The following SLC9D1 variants were observed in gnomAD, a reference collection of about 807,000 sequenced individuals.
The protein encoded by SLC9D1 is putative LAG1-interacting protein.
the SLC9D1 span, chr13:113,548,252 ACT>A: frequency 1.9e-6 from 3 of 1,601,674 alleles, no homozygotes; most frequent in Non-Finnish European, 2.6e-6. Flanking sequence ...TGTGTGTTTA[ACT>A]CTGTGTGGGT....
chr13:113,502,069 G>T, the SLC9D1 span, among the ~76,000 whole-genome samples: 4 of 152,204 alleles, frequency 2.6e-5, no homozygotes, highest in African/African-American at 9.6e-5. Flanking sequence ...GTTAGTGAAG[G>T]GGCGGTGTTA....
chr13:113,503,333 T>A, the SLC9D1 span, among the ~76,000 whole-genome samples: 3 of 125,790 alleles, frequency 2.4e-5, no homozygotes, highest in Non-Finnish European at 4.7e-5. Flanking sequence ...TTAATCGAAG[T>A]ACACTGTGTG....
At chr13:113,500,633 A>T in the SLC9D1 span, among the ~76,000 whole-genome samples, 13 of 152,186 alleles carry the variant, frequency 8.5e-5, no homozygotes, top group Admixed American at 7.8e-4. Flanking sequence ...GCAGGGAGGT[A>T]CTTGAAGCTG....
the SLC9D1 span, among the ~76,000 whole-genome samples, chr13:113,497,194 A>G: frequency 2.0e-5 from 3 of 150,326 alleles, no homozygotes; most frequent in African/African-American, 7.4e-5. Context: ...GTGTGCTAAC[A>G]CCTGTAGCTG....
chr13:113,505,086 G>T, the SLC9D1 span: 2 of 152,008 alleles, frequency 1.3e-5, no homozygotes, highest in Non-Finnish European at 2.9e-5. Flanking sequence ...ATGTCTGTTG[G>T]CCATTTGTAT....
chr13:113,506,481 G>C, the SLC9D1 span, among the ~76,000 whole-genome samples: 3 of 152,082 alleles, frequency 2.0e-5, no homozygotes, highest in Non-Finnish European at 4.4e-5. Context: ...CCAGTGCCCT[G>C]TCTCACCAGT....
At chr13:113,503,391 G>A in the SLC9D1 span, 2 of 687,870 alleles carry the variant, frequency 2.9e-6, no homozygotes, top group Middle Eastern at 4.1e-4. Flanking sequence ...GTGTATGTGT[G>A]TTTTGGATAC....
the SLC9D1 span, chr13:113,549,459 G>C: frequency 2.5e-6 from 4 of 1,614,102 alleles, no homozygotes; most frequent in Non-Finnish European, 3.4e-6. Context: ...ACCACGCTCA[G>C]CCTCTTGCTC....
At chr13:113,538,824 G>A in the SLC9D1 span, among the ~76,000 whole-genome samples, 1 of 152,268 alleles carries the variant, frequency 6.6e-6, no homozygotes, top group South Asian at 2.1e-4. Context: ...GCAGAGCTGC[G>A]CTGAGGCTCC....
At chr13:113,514,864 G>A in the SLC9D1 span, among the ~76,000 whole-genome samples, 1 of 152,204 alleles carries the variant, frequency 6.6e-6, no homozygotes, top group Non-Finnish European at 1.5e-5. Context: ...TGACAGGCGT[G>A]TGCCACCATG....
chr13:113,534,118 TTA>T, the SLC9D1 span: 1 of 1,613,272 alleles, frequency 6.2e-7, no homozygotes, highest in East Asian at 2.2e-5. Flanking sequence ...GGTTTTTCTT[TTA>T]TGTCTTGTTA....
chr13:113,538,895 C>T, the SLC9D1 span, among the ~76,000 whole-genome samples: 25,070 of 152,146 alleles, frequency 0.16, 2,342 homozygotes, highest in Admixed American at 0.27. Context: ...TCAGATCAGC[C>T]GCCGTGGACA....
At chr13:113,509,400 GTCTA>G in the SLC9D1 span, among the ~76,000 whole-genome samples, 3 of 112,972 alleles carry the variant, frequency 2.7e-5, no homozygotes, top group African/African-American at 8.2e-5. Flanking sequence ...GGAGCTGCCT[GTCTA>G]TGTTGGGACT....
chr13:113,523,158 T>C, the SLC9D1 span, among the ~76,000 whole-genome samples: 3 of 151,940 alleles, frequency 2.0e-5, no homozygotes, highest in Non-Finnish European at 2.9e-5. Flanking sequence ...GTAATAAAAG[T>C]CATACTAGGT....
At chr13:113,533,142 G>A in the SLC9D1 span, among the ~76,000 whole-genome samples, 2 of 116,166 alleles carry the variant, frequency 1.7e-5, no homozygotes, top group Non-Finnish European at 3.4e-5. Flanking sequence ...CCTGCAGCGA[G>A]CTCTGAAGGA....
chr13:113,524,749 C>A, the SLC9D1 span, among the ~76,000 whole-genome samples: 5 of 151,622 alleles, frequency 3.3e-5, no homozygotes, highest in African/African-American at 1.2e-4. Flanking sequence ...CCTTTTCATA[C>A]TTTTCCTTTC....
chr13:113,549,997 G>T, the SLC9D1 span: 1 of 272,548 alleles, frequency 3.7e-6, no homozygotes, highest in Non-Finnish European at 6.9e-6. Context: ...CTGGCCGTGA[G>T]CTTGGAAGCT....
chr13:113,539,489 G>A, the SLC9D1 span: 45 of 1,612,482 alleles, frequency 2.8e-5, no homozygotes, highest in Middle Eastern at 4.9e-4. The surrounding 1 kb of genome is among the most constrained non-coding windows in gnomAD (Gnocchi z 4.8). Flanking sequence ...CCTGGCCATC[G>A]TTTTCTTCGC....
chr13:113,502,713 G>T, the SLC9D1 span, among the ~76,000 whole-genome samples: 1 of 152,188 alleles, frequency 6.6e-6, no homozygotes, highest in Non-Finnish European at 1.5e-5. Flanking sequence ...GCCAGAGTGG[G>T]TGCCATGAGT....
Sources: allele counts gnomAD v4.1 joint callset (sites outside exome capture counted in the v4.1 genomes callset), GRCh38; gene constraint gnomAD v4.1.1; non-coding constraint Gnocchi (gnomAD v3.1); transcripts MANE v1.5; gene names NCBI Gene and HGNC (gene_info 2026-07-23, HGNC 2026-07-21).